Variants in RBMS3 observed in about 807,000 individuals in gnomAD.
RBMS3 encodes RNA-binding motif, single-stranded-interacting protein 3.
A neutral mutation model predicts 66.8 loss-of-function variants in RBMS3; 27 were observed. That is an observed-to-expected ratio of 0.40 (90% CI 0.30 to 0.56). The LOEUF is 0.56. Among genes scored for constraint, RBMS3 ranks in the 20% least tolerant of loss-of-function variants. The pLI, the probability that RBMS3 is intolerant of heterozygous loss-of-function variation, is 0.40. For missense variants in RBMS3, 513 were observed against 549.5 expected (o/e 0.93, Z 0.66); for synonymous variants, 188 against 183.0 (o/e 1.03, Z -0.22).
At chr3:29,407,720 A>G (rs754030768) in intron 1 of RBMS3, among the ~76,000 whole-genome samples, 3 of 152,168 alleles carry the variant, frequency 2.0e-5, no homozygotes, top group South Asian at 2.1e-4. Context: ...CTGAAATGCC[A>G]CATATTTCTG....
At chr3:29,481,019 T>A (rs1374595802) in intron 2 of RBMS3, among the ~76,000 whole-genome samples, 1 of 152,166 alleles carries the variant, frequency 6.6e-6, no homozygotes, top group South Asian at 2.1e-4. Context: ...CTGTCTGAGA[T>A]TGGATCCTGC....
At chr3:29,956,440 A>G (rs554883076) in intron 12 of RBMS3, among the ~76,000 whole-genome samples, 2 of 152,048 alleles carry the variant, frequency 1.3e-5, no homozygotes, top group Non-Finnish European at 2.9e-5. Flanking sequence ...AAGTTCCTGG[A>G]GGTTTGGAGA....
chr3:29,918,690 T>C (rs1179764669), intron 10 of RBMS3, among the ~76,000 whole-genome samples: 1 of 152,176 alleles, frequency 6.6e-6, no homozygotes, highest in East Asian at 1.9e-4. Flanking sequence ...TAGATAACTA[T>C]GAGAAAATTC....
At chr3:29,948,301 T>A (rs1577225089) in intron 12 of RBMS3, among the ~76,000 whole-genome samples, 1 of 151,898 alleles carries the variant, frequency 6.6e-6, no homozygotes, top group Non-Finnish European at 1.5e-5. Context: ...TCTCACATTG[T>A]TTTTGTTTCA....
intron 6 of RBMS3, among the ~76,000 whole-genome samples, chr3:29,796,914 A>G (rs761143956): frequency 3.4e-4 from 51 of 151,944 alleles, no homozygotes; most frequent in Non-Finnish European, 6.8e-4. Flanking sequence ...AGGTTTCACC[A>G]TGTTGACCAG....
At chr3:29,391,443 A>C (rs2039291058) in intron 1 of RBMS3, among the ~76,000 whole-genome samples, 1 of 152,256 alleles carries the variant, frequency 6.6e-6, no homozygotes, top group Admixed American at 6.5e-5. Context: ...ACAAGCTATC[A>C]AATTTGTGTG....
At chr3:29,899,875 A>T in intron 10 of RBMS3, 120 bp downstream of exon 10, 1 of 907,040 alleles carries the variant, frequency 1.1e-6, no homozygotes, top group African/African-American at 1.7e-5. Context: ...AGGCAGCCAT[A>T]TTCTCCAGAT....
chr3:29,438,741 C>T lies in RBMS3; in HGVS notation c.248+3826C>T, dbSNP rs544964156. Among the ~76,000 whole-genome samples the T allele has an allele frequency of 4.6e-5, 7 of 152,192 alleles. No homozygotes were observed. In the South Asian group the frequency reaches 1.2e-3, roughly 27 times the overall value. On this transcript the variant is annotated intron_variant, in intron 2 of 14. Transcript: ENST00000383767. Reference sequence around the variant, plus strand: ...ACCTTAAGGAACTTTATTTTGTTCTCAATCAAGAAATATTTACAGATTATA... The same window carrying T: ...ACCTTAAGGAACTTTATTTTGTTCTTAATCAAGAAATATTTACAGATTATA...
At chr3:29,509,692 C>T (rs917699899) in intron 3 of RBMS3, among the ~76,000 whole-genome samples, 1 of 152,192 alleles carries the variant, frequency 6.6e-6, no homozygotes, top group African/African-American at 2.4e-5. Context: ...TATCCTTCCT[C>T]TATATCCCTT....
In RBMS3 at chr3:30,003,856, AC is replaced by A; in HGVS notation, c.1310del (p.Pro437HisfsTer5). On this transcript the variant is annotated frameshift_variant and splice_region_variant, in exon 15 of 15. Transcript: ENST00000383767. LOFTEE classifies it high-confidence loss of function. ...APAYSYQQSK[P>X] ...CACTCTTATTCAATTGTTTTCACAG[AC>A]CATAAACAGGACTGAAGAATGTCTG... The A allele has an allele frequency of 6.9e-7, 1 of 1,447,326 alleles. No individual in the cohort carries two copies. Among genetic ancestry groups the A allele is most frequent in the Non-Finnish European group, 9.1e-7 (1 of 1,093,538 alleles). 89.7% of individuals were successfully genotyped at this position (1,447,326 alleles called of 1,614,324 possible).
chr3:29,520,385 T>A (rs1169445909), intron 3 of RBMS3, among the ~76,000 whole-genome samples: 1 of 152,186 alleles, frequency 6.6e-6, no homozygotes, highest in African/African-American at 2.4e-5. Context: ...TACTAGAAAA[T>A]TTGAAATATT....
chr3:29,381,737 T>C (rs60242303), intron 1 of RBMS3, among the ~76,000 whole-genome samples: 3,489 of 152,294 alleles, frequency 0.023, 143 homozygotes, highest in African/African-American at 0.079. Flanking sequence ...TTTGTTCCCT[T>C]AGCTAATGAC....
At chr3:29,398,295 C>G (rs1054319545) in intron 1 of RBMS3, among the ~76,000 whole-genome samples, 2 of 152,108 alleles carry the variant, frequency 1.3e-5, no homozygotes, top group African/African-American at 4.8e-5. Flanking sequence ...TTTACCTCTT[C>G]AACACCAAGA....
chr3:29,772,866 A>G (rs2056269524), intron 6 of RBMS3, among the ~76,000 whole-genome samples: 1 of 152,086 alleles, frequency 6.6e-6, no homozygotes, highest in African/African-American at 2.4e-5. Context: ...ACTGCTCATA[A>G]GCACATATTA....
intron 4 of RBMS3, among the ~76,000 whole-genome samples, chr3:29,635,287 CT>C (rs2149184145): frequency 6.6e-6 from 1 of 151,944 alleles, no homozygotes; most frequent in East Asian, 1.9e-4. Flanking sequence ...AACATCAAAC[CT>C]AAACCCCTAA....
chr3:29,309,081 A>G (rs1375255753), intron 1 of RBMS3, among the ~76,000 whole-genome samples: 4 of 151,762 alleles, frequency 2.6e-5, no homozygotes, highest in Non-Finnish European at 4.4e-5. Context: ...GTTGAAAGTG[A>G]AAAGGAACTG....
intron 6 of RBMS3, among the ~76,000 whole-genome samples, chr3:29,819,134 A>T (rs2058003846): frequency 6.6e-6 from 1 of 152,210 alleles, no homozygotes; most frequent in African/African-American, 2.4e-5. Context: ...TATTCTTTTC[A>T]TCCGTCAACA....
intron 12 of RBMS3, among the ~76,000 whole-genome samples, chr3:29,965,303 T>G (rs933602668): frequency 1.3e-5 from 2 of 152,226 alleles, no homozygotes; most frequent in African/African-American, 2.4e-5. Context: ...ATATCCACAC[T>G]GTTTTCCATA....
intron 4 of RBMS3, among the ~76,000 whole-genome samples, chr3:29,728,531 A>G (rs1309123417): frequency 6.6e-6 from 1 of 152,152 alleles, no homozygotes; most frequent in Non-Finnish European, 1.5e-5. Flanking sequence ...TCACCAGGTT[A>G]ATATAAGAAA....
Sources: allele counts gnomAD v4.1 joint callset (sites outside exome capture counted in the v4.1 genomes callset), GRCh38; gene constraint gnomAD v4.1.1; transcripts MANE v1.5; gene names NCBI Gene and HGNC (gene_info 2026-07-23, HGNC 2026-07-21).